The following PRH1 variants were observed in gnomAD, a reference collection of about 807,000 sequenced individuals.
PRH1 encodes the protein proline rich protein HaeIII subfamily 1.
A neutral mutation model predicts 7.9 loss-of-function variants in PRH1; 7 were observed. The ratio of observed to expected loss-of-function variants is 0.89; its 90% CI spans 0.50 to 1.67. PRH1 has a LOEUF of 1.67. Among genes scored for constraint, PRH1 ranks in the 40% most tolerant of loss-of-function variants. PRH1 has a pLI of 0.00. For synonymous variants in PRH1, 45 were observed against 80.8 expected, an observed-to-expected ratio of 0.56 and a Z score of 2.38; for missense variants, 109 against 223.6, an observed-to-expected ratio of 0.49 and a Z score of 3.27.
At chr12:11,061,536 C>T (rs1346135299) in intron 1 of PRH1, 1 of 1,614,112 alleles carries the variant, frequency 6.2e-7, no homozygotes, top group Non-Finnish European at 8.5e-7. Flanking sequence ...TTTCCAGACT[C>T]TCAAAACTCC....
chr12:10,986,159 G>A (rs1351834090), intron 1 of PRH1: 2 of 1,614,094 alleles, frequency 1.2e-6, no homozygotes, highest in South Asian at 2.2e-5. Context: ...ATAACAAGAG[G>A]AAGGAGATCA....
At chr12:11,007,124 C>T (rs1940868287) in intron 1 of PRH1, among the ~76,000 whole-genome samples, 1 of 152,012 alleles carries the variant, frequency 6.6e-6, no homozygotes, top group Non-Finnish European at 1.5e-5. Flanking sequence ...TACCTAGGAT[C>T]GTATAAATAT....
chr12:10,900,869 A>G (rs1949713243), intron 2 of PRH1, among the ~76,000 whole-genome samples: 1 of 151,976 alleles, frequency 6.6e-6, no homozygotes, highest in Admixed American at 6.6e-5. Context: ...ATTTTGGAGC[A>G]CCTGCTAGCA....
At chr12:11,167,366 C>T (rs1265716418) in intron 1 of PRH1, among the ~76,000 whole-genome samples, 1 of 151,958 alleles carries the variant, frequency 6.6e-6, no homozygotes. Context: ...TTCTTGTTAC[C>T]TACTGAAATG....
intron 1 of PRH1, among the ~76,000 whole-genome samples, chr12:11,127,387 C>T (rs1039990833): frequency 2.0e-5 from 3 of 150,928 alleles, no homozygotes; most frequent in Middle Eastern, 3.4e-3. Flanking sequence ...ATAAATCATA[C>T]ATTGGATGCC....
In PRH1 at chr12:11,091,824, GC is replaced by G. The variant is rs535413221; in HGVS notation, n.124-44637del. On this transcript the variant is annotated intron_variant and non_coding_transcript_variant, in intron 1 of 4. Transcript: ENST00000541977. ...AGATGACAAGCCAAAAATAGCAAAG[GC>G]CCCAACAACATCACCAGAATGACAC... is the stretch of plus-strand genomic sequence containing the variant. 9.1e-4 allele frequency: 1,362 copies of G among 1,503,976 alleles called. 100 individuals carry two copies. In the African/African-American group the frequency reaches 0.017, roughly 19 times the overall value. The allele number at this position is 1,503,976 out of a possible 1,614,324, so 93.2% of individuals were successfully genotyped here.
chr12:11,033,872 C>A (rs577119032), intron 1 of PRH1, among the ~76,000 whole-genome samples: 6 of 152,166 alleles, frequency 3.9e-5, no homozygotes, highest in East Asian at 1.9e-4. Context: ...ATGGGAAATA[C>A]CACAGTGTAT....
chr12:11,065,139 C>T (rs1388972691), intron 1 of PRH1, among the ~76,000 whole-genome samples: 1 of 152,076 alleles, frequency 6.6e-6, no homozygotes, highest in Non-Finnish European at 1.5e-5. Flanking sequence ...TTGAAATGCA[C>T]TGAAGGCATG....
At chr12:11,037,744 T>C (rs567338078) in intron 1 of PRH1, among the ~76,000 whole-genome samples, 1 of 152,358 alleles carries the variant, frequency 6.6e-6, no homozygotes, top group South Asian at 2.1e-4. Context: ...AAAATTAATT[T>C]AAGAAAAGTT....
In PRH1 at chr12:11,062,287, G is replaced by T. The variant is rs528866453; in HGVS notation, n.124-15099C>A. 1,653 of 1,611,106 alleles carry T rather than the reference G, an allele frequency of 1.0e-3. 39 individuals are homozygous for T. The South Asian group carries it at 0.017, about 17-fold the overall frequency. On this transcript the variant is annotated intron_variant and non_coding_transcript_variant, in intron 1 of 4. Transcript: ENST00000541977. ...AATGGAAAAAATGATGGGCAGAAAA[G>T]TTATCATGTCTGAACAGACAAAAAG...
chr12:11,023,976 G>A (rs1222103745), intron 1 of PRH1, among the ~76,000 whole-genome samples: 6 of 147,558 alleles, frequency 4.1e-5, no homozygotes, highest in East Asian at 4.0e-4. Context: ...ATTCAGGATC[G>A]AAGGAAAAAA....
At chr12:11,145,337 T>A (rs1216725829) in intron 1 of PRH1, among the ~76,000 whole-genome samples, 1 of 152,088 alleles carries the variant, frequency 6.6e-6, no homozygotes, top group East Asian at 1.9e-4. Flanking sequence ...GGATTACAGA[T>A]ACATAACACC....
chr12:10,984,184 A>C (rs1381073357), intron 1 of PRH1, among the ~76,000 whole-genome samples: 1 of 151,682 alleles, frequency 6.6e-6, no homozygotes, highest in African/African-American at 2.4e-5. Flanking sequence ...TTGTATGCAA[A>C]GATACCAAAA....
rs947082928 is a variant in PRH1, at chr12:11,082,971, A to G, written n.124-35783T>C. 8.5e-5 allele frequency among the ~76,000 whole-genome samples: 10 copies of G among 117,114 alleles called. 3 individuals are homozygous for G. Among genetic ancestry groups the G allele is most frequent in the African/African-American group, 2.9e-4 (10 of 34,988 alleles). 76.8% of individuals were successfully genotyped at this position (117,114 alleles called of 152,430 possible). A position where few individuals can be genotyped will look rare whatever the true frequency, so the allele number is the denominator to read the frequency against. On this transcript the variant is annotated intron_variant and non_coding_transcript_variant, in intron 1 of 4. Transcript: ENST00000541977. ...ATAGCAGTCAAAGTAGTTACACTAC[A>G]TATGTTTTAAGGCTTAACAAAATTA...
In PRH1 at chr12:11,065,171, A is replaced by AT. The variant is rs578102387; in HGVS notation, n.124-17984dup. Among the ~76,000 whole-genome samples, 24 of 152,182 alleles carry AT rather than the reference A, an allele frequency of 1.6e-4. No homozygotes were observed. In the East Asian group the frequency reaches 2.5e-3, roughly 16 times the overall value. ...CATGATTCCATTGAATTCTAGCTTCATTTTTGTCTGTTGAAAATCAGGTTG... is the reference window on the plus strand; with the variant it reads ...CATGATTCCATTGAATTCTAGCTTCATTTTTTGTCTGTTGAAAATCAGGTTG... On this transcript the variant is annotated intron_variant and non_coding_transcript_variant, in intron 1 of 4. Coordinates refer to the PRH1 transcript ENST00000541977.
At chr12:10,909,874 C>T (rs1278165830) in intron 2 of PRH1, among the ~76,000 whole-genome samples, 2 of 152,172 alleles carry the variant, frequency 1.3e-5, no homozygotes, top group Non-Finnish European at 2.9e-5. Flanking sequence ...AATACTGTGA[C>T]TAAAGAGAAA....
chr12:11,021,721 C>T, intron 1 of PRH1: 1 of 1,614,122 alleles, frequency 6.2e-7, no homozygotes, highest in Admixed American at 1.7e-5. Flanking sequence ...TTTTAGCTTC[C>T]TACTTCCCAT....
At chr12:10,930,865 C>T (rs753912396) in intron 2 of PRH1, 80 of 1,613,124 alleles carry the variant, frequency 5.0e-5, no homozygotes, top group African/African-American at 4.0e-5. Flanking sequence ...AGGCCATCCC[C>T]CTCCTCCTCA....
chr12:10,924,897 T>A (rs1950103779), intron 2 of PRH1, among the ~76,000 whole-genome samples: 1 of 152,176 alleles, frequency 6.6e-6, no homozygotes, highest in Admixed American at 6.5e-5. Context: ...TCTCTTTTCT[T>A]CTTTATTAGT....
Sources: allele counts gnomAD v4.1 joint callset (sites outside exome capture counted in the v4.1 genomes callset), GRCh38; gene constraint gnomAD v4.1.1; transcripts MANE v1.5; gene names NCBI Gene and HGNC (gene_info 2026-07-23, HGNC 2026-07-21).